The following DNAH5 variants were observed in gnomAD, a reference collection of about 807,000 sequenced individuals.
DNAH5 encodes the protein dynein axonemal heavy chain 5.
DNAH5 carries 372 observed loss-of-function variants against 518.2 expected under a neutral mutation model. That is an observed-to-expected ratio of 0.72 (90% CI 0.66 to 0.78). DNAH5 has a LOEUF of 0.78. Among genes scored for constraint, DNAH5 ranks in the 30% least tolerant of loss-of-function variants. The pLI is 0.00. For synonymous variants in DNAH5, 2,039 were observed against 2,025.9 expected (o/e 1.01, Z -0.17); for missense variants, 5,523 against 5,687.0 (o/e 0.97, Z 0.93).
At chr5:13,718,248 T>C (rs1222494906) in intron 72 of DNAH5, among the ~76,000 whole-genome samples, 1 of 152,210 alleles carries the variant, frequency 6.6e-6, no homozygotes, top group African/African-American at 2.4e-5. Flanking sequence ...ATTTTATATA[T>C]GAGAAAATTG....
intron 1 of DNAH5, among the ~76,000 whole-genome samples, chr5:13,937,285 C>T (rs1779011683): frequency 6.7e-6 from 1 of 148,734 alleles, no homozygotes; most frequent in South Asian, 2.2e-4. Flanking sequence ...CAGGAGACCC[C>T]ATACAAGGGT....
chr5:13,957,519 C>T (rs942476148), intron 1 of DNAH5, among the ~76,000 whole-genome samples: 1 of 151,998 alleles, frequency 6.6e-6, no homozygotes, highest in African/African-American at 2.4e-5. Flanking sequence ...TCAAAAATTT[C>T]CAATTTAGAC....
Position 13,841,011 on chromosome 5 carries a change from A to G in DNAH5, c.5604T>C (p.Asn1868=). Reference sequence around the variant, plus strand: ...CCCTCGTGGTGACGTCTATCAATGTATTGAGTAGCTCCAGGAAAGCCTGAT... The same window carrying G: ...CCCTCGTGGTGACGTCTATCAATGTGTTGAGTAGCTCCAGGAAAGCCTGAT... The part of the protein sequence containing the change: ...KTNQAFLELL[N]TLIDVTTRDL... The change falls in exon 34 of 79, where the codon AAT becomes AAC. Residue 1868 remains asparagine (N), a synonymous_variant. Coordinates refer to ENST00000265104, the MANE Select transcript of DNAH5 (RefSeq NM_001369.3). 1 of 1,614,152 alleles carries G rather than the reference A, an allele frequency of 6.2e-7. No homozygotes were observed. The highest frequency in any genetic ancestry group is 8.5e-7 in the Non-Finnish European group (1 of 1,180,000).
At chr5:13,988,416 A>ATTT (rs34546274) in intron 1 of DNAH5, among the ~76,000 whole-genome samples, 3 of 148,086 alleles carry the variant, frequency 2.0e-5, no homozygotes, top group Non-Finnish European at 3.0e-5. Flanking sequence ...CAAAACACCA[A>ATTT]TTTTTTTTTT....
At chr5:13,780,181 G>C (rs1048295555) in intron 53 of DNAH5, among the ~76,000 whole-genome samples, 1 of 152,194 alleles carries the variant, frequency 6.6e-6, no homozygotes, top group African/African-American at 2.4e-5. Context: ...TGAGGTTTCA[G>C]TTTAATCACT....
At chr5:13,829,881 T>G in intron 37 of DNAH5, 145 bp downstream of exon 37, 2 of 1,081,512 alleles carry the variant, frequency 1.8e-6, no homozygotes, top group Non-Finnish European at 2.8e-6. Flanking sequence ...ATATGATCTT[T>G]GCTTAACACC....
intron 65 of DNAH5, among the ~76,000 whole-genome samples, chr5:13,746,398 C>T (rs1319228283): frequency 6.6e-6 from 1 of 151,934 alleles, no homozygotes; most frequent in Non-Finnish European, 1.5e-5. Context: ...TACAGAAGGC[C>T]CTGAGTTTAT....
At chr5:13,785,581 A>G (rs547842210) in intron 52 of DNAH5, among the ~76,000 whole-genome samples, 3 of 152,282 alleles carry the variant, frequency 2.0e-5, no homozygotes, top group Admixed American at 6.5e-5. Context: ...GTACATTTAC[A>G]TTGTTGTGCA....
At chr5:13,756,770 T>C (rs1225802004) in intron 61 of DNAH5, among the ~76,000 whole-genome samples, 3 of 152,210 alleles carry the variant, frequency 2.0e-5, no homozygotes, top group Non-Finnish European at 4.4e-5. Context: ...ACTTGTGTCA[T>C]GGGGGTTTGT....
At chr5:13,893,916 G>GAAAA (rs55894242) in intron 16 of DNAH5, among the ~76,000 whole-genome samples, 2 of 127,366 alleles carry the variant, frequency 1.6e-5, no homozygotes, top group Non-Finnish European at 3.4e-5. Context: ...GTCTTTCTGA[G>GAAAA]AAAAAAAAAA....
chr5:13,830,688 A>C lies in DNAH5; in HGVS notation c.5970T>G (p.Thr1990=), dbSNP rs767150989. ...GPAGTGKTET[T]KDMGRCLGKY... ...TCCCGAGGCATCGTCCCATGTCTTTAGTGGTTTCTGTTTTGCCTGTGCCTG... is the reference window on the plus strand; with the variant it reads ...TCCCGAGGCATCGTCCCATGTCTTTCGTGGTTTCTGTTTTGCCTGTGCCTG... The change falls in exon 36 of 79, where the codon ACT becomes ACG. Residue 1990 remains threonine, a synonymous_variant. Transcript: ENST00000265104. 1 of 1,614,168 alleles carries C rather than the reference A, an allele frequency of 6.2e-7. No homozygotes were observed. Among genetic ancestry groups the C allele is most frequent in the South Asian group, 1.1e-5 (1 of 91,080 alleles).
Position 13,735,862 on chromosome 5 carries a change from A to T in DNAH5, c.11526T>A (p.Thr3842=), listed in dbSNP as rs1342928348. The T allele has an allele frequency of 6.2e-7, 1 of 1,614,176 alleles. No homozygotes were observed. Among genetic ancestry groups the T allele is most frequent in the Non-Finnish European group, 8.5e-7 (1 of 1,180,008 alleles). The change falls in exon 67 of 79, where the codon ACT becomes ACA. Residue 3842 remains threonine, a synonymous_variant. Transcript: ENST00000265104. The part of the protein sequence containing the change: ...EMRLVNEMYQ[T]SLRQFLGLFD... Reference sequence around the variant, plus strand: ...ATAAGCCCAGAAACTGGCGAAGCGAAGTCTGATACATCTCATTAACCAAGC... The same window carrying T: ...ATAAGCCCAGAAACTGGCGAAGCGATGTCTGATACATCTCATTAACCAAGC...
chr5:13,848,042 T>A (rs2151878133), intron 31 of DNAH5, among the ~76,000 whole-genome samples: 1 of 152,336 alleles, frequency 6.6e-6, no homozygotes, highest in South Asian at 2.1e-4. Flanking sequence ...GCTGGGTCTA[T>A]ATCCAAGAAC....
chr5:13,791,167 T>G (rs889879857), intron 50 of DNAH5, among the ~76,000 whole-genome samples: 2 of 152,204 alleles, frequency 1.3e-5, no homozygotes. Flanking sequence ...GAGGTGAGTT[T>G]TTTTAGTAAT....
At position 13,777,368 on chromosome 5, in the gene DNAH5, T is replaced by A; in HGVS notation, c.8952-13A>T. The A allele has an allele frequency of 6.2e-7, 1 of 1,611,434 alleles. No homozygotes were observed. The highest frequency in any genetic ancestry group is 1.3e-5 in the African/African-American group (1 of 74,988). On this transcript the variant is annotated splice_polypyrimidine_tract_variant and intron_variant, in intron 53 of 78. Transcript: ENST00000265104. ...TGTGTTGTAGGATCTAAAGAAATAT[T>A]TTCATTTTGTCATTAGCTAAAATAT...
intron 35 of DNAH5, among the ~76,000 whole-genome samples, chr5:13,836,321 G>A (rs1764396313): frequency 6.6e-6 from 1 of 152,214 alleles, no homozygotes; most frequent in African/African-American, 2.4e-5. Flanking sequence ...TTGAGGCAGA[G>A]TTTGGGGTTT....
At chr5:13,717,546 T>G (rs769834014) in intron 72 of DNAH5, 26 bp from the exon 73 acceptor site, 25 of 1,566,562 alleles carry the variant, frequency 1.6e-5, no homozygotes, top group Non-Finnish European at 2.1e-5. Flanking sequence ...GGGTGAAAAA[T>G]GTATCATCTC....
intron 65 of DNAH5, among the ~76,000 whole-genome samples, chr5:13,749,524 G>C (rs1749908380): frequency 6.6e-6 from 1 of 152,124 alleles, no homozygotes; most frequent in African/African-American, 2.4e-5. Context: ...TTTTGTTTTT[G>C]TTGTTGCTGT....
At position 13,777,290 on chromosome 5, in the gene DNAH5, C is replaced by T. The variant is rs1433715156; in HGVS notation, c.9017G>A (p.Gly3006Asp). The T allele has an allele frequency of 1.2e-6, 2 of 1,613,362 alleles. No individual in the cohort carries two copies. Among genetic ancestry groups the T allele is most frequent in the East Asian group, 2.2e-5 (1 of 44,804 alleles). ...KVLYRTAGQQGKGITFIFTDN... is the reference protein window; with the variant it reads ...KVLYRTAGQQDKGITFIFTDN... ...TGTGAAAATAAAAGTGATTCCTTTG[C>T]CTTGCTGACCAGCTGTTCGATACAA... The change falls in exon 54 of 79, where the codon GGC becomes GAC. Residue 3006 changes from glycine (G) to aspartate (D), a missense_variant. By Grantham distance (94) the Gly-to-Asp change is moderately conservative. Around this residue, in one of 3 missense-constraint regions of DNAH5, gnomAD observed 5,121 missense variants for 5,223.3 expected, o/e 0.98. Transcript: ENST00000265104.
Sources: allele counts gnomAD v4.1 joint callset (sites outside exome capture counted in the v4.1 genomes callset), GRCh38; gene constraint gnomAD v4.1.1; regional missense constraint gnomAD v4.1.1; transcripts MANE v1.5; gene names NCBI Gene and HGNC (gene_info 2026-07-23, HGNC 2026-07-21).